The following BIN1 variants were observed in gnomAD, a reference collection of about 807,000 sequenced individuals.
BIN1 encodes myc box-dependent-interacting protein 1.
In BIN1, 53 loss-of-function variants were observed where a neutral mutation model predicts 82.0. The observed-to-expected ratio is 0.65, with a 90% confidence interval of 0.52 to 0.81. The LOEUF (loss-of-function observed/expected upper bound fraction) is 0.81, where lower values mean the gene tolerates loss of function less well. Ranked by LOEUF, BIN1 falls within the 40% of genes least tolerant of loss-of-function variation. The pLI, the probability that BIN1 is intolerant of heterozygous loss-of-function variation, is 0.00. For missense variants in BIN1, 642 were observed against 784.4 expected (o/e 0.82, Z 2.17); for synonymous variants, 302 against 328.0 (o/e 0.92, Z 0.86).
At chr2:127,058,370 C>T (rs571895907) in intron 11 of BIN1, among the ~76,000 whole-genome samples, 28 of 152,268 alleles carry the variant, frequency 1.8e-4, no homozygotes, top group Admixed American at 7.8e-4. Context: ...CAGAGCAGGG[C>T]GGCAGCAGAA....
chr2:127,105,792 C>T (rs1456678986), intron 1 of BIN1, among the ~76,000 whole-genome samples: 2 of 152,214 alleles, frequency 1.3e-5, no homozygotes, highest in African/African-American at 4.8e-5. Flanking sequence ...CGCCTCCACC[C>T]GGCGGCCGCG....
rs1351719948 is a variant in BIN1, at chr2:127,057,389, GAC to G, written c.1131+82_1131+83del. 7.0e-7 allele frequency: 1 copy of G among 1,432,038 alleles called. No individual in the cohort carries two copies. Among genetic ancestry groups the G allele is most frequent in the African/African-American group, 1.4e-5 (1 of 69,886 alleles). The allele number at this position is 1,432,038 out of a possible 1,614,324, so 88.7% of individuals were successfully genotyped here. A position where few individuals can be genotyped will look rare whatever the true frequency, so the allele number is the denominator to read the frequency against. ...CTCTGGCCAGATTCCTGGCTCTTGA[GAC>G]AGAAGCATAGAGGATGAAGGCCATG... is the stretch of plus-strand genomic sequence containing the variant. On this transcript the variant is annotated intron_variant, in intron 12 of 18. Coordinates refer to ENST00000316724, the MANE Select transcript of BIN1 (RefSeq NM_139343.3). The surrounding 1 kb of genome is among the most constrained non-coding windows in gnomAD (Gnocchi z 5.0).
At chr2:127,084,268 A>G (rs916112320) in intron 1 of BIN1, among the ~76,000 whole-genome samples, 14 of 152,100 alleles carry the variant, frequency 9.2e-5, no homozygotes, top group African/African-American at 3.1e-4. Context: ...CTGTTACCCA[A>G]TCTCCTCCAC....
intron 1 of BIN1, among the ~76,000 whole-genome samples, chr2:127,079,207 G>A (rs758585299): frequency 7.2e-5 from 11 of 152,210 alleles, no homozygotes; most frequent in African/African-American, 1.7e-4. Context: ...CCTTGAGAAC[G>A]AGACACCAGC....
At position 127,094,903 on chromosome 2, in the gene BIN1, T is replaced by C. The variant is rs140937441; in HGVS notation, c.84+11957A>G. The stretch of plus-strand genomic sequence containing the variant: ...TGCCCTCAGGAAAGGACCCCCTCAA[T>C]TGGGGAGGTTGACCCCCTCAACCAT... On this transcript the variant is annotated intron_variant, in intron 1 of 18. Transcript: ENST00000316724. 2.6e-3 allele frequency among the ~76,000 whole-genome samples: 402 copies of C among 152,110 alleles called. 3 individuals carry two copies. The highest frequency in any genetic ancestry group is 8.5e-3 in the African/African-American group (351 of 41,514).
intron 1 of BIN1, among the ~76,000 whole-genome samples, 196 bp downstream of exon 1, chr2:127,106,664 C>T (rs1681173885): frequency 6.6e-6 from 1 of 152,072 alleles, no homozygotes; most frequent in Non-Finnish European, 1.5e-5. Context: ...ACAGAGGACG[C>T]AAACCTAAGA....
Position 127,070,826 on chromosome 2 carries a change from G to A in BIN1, c.166-10C>T, listed in dbSNP as rs1484023624. On this transcript the variant is annotated splice_polypyrimidine_tract_variant and intron_variant, in intron 2 of 18. Coordinates refer to ENST00000316724, the MANE Select transcript of BIN1 (RefSeq NM_139343.3). The stretch of plus-strand genomic sequence containing the variant: ...GCCGGGTGCCCTCCGTCTGCAAAGA[G>A]AAGGACAAGGACCAGGTCAGGGACT... 2 of 1,610,878 alleles carry A rather than the reference G, an allele frequency of 1.2e-6. No homozygotes were observed. Among genetic ancestry groups the A allele is most frequent in the Admixed American group, 1.7e-5 (1 of 59,904 alleles).
intron 1 of BIN1, among the ~76,000 whole-genome samples, chr2:127,083,047 T>C (rs1171686920): frequency 6.6e-6 from 1 of 152,086 alleles, no homozygotes; most frequent in Non-Finnish European, 1.5e-5. Context: ...CAATCAACTG[T>C]TACCACTTGG....
In BIN1 at chr2:127,057,231, G is replaced by A. The variant is rs1326405622; in HGVS notation, c.1131+242C>T. Among the ~76,000 whole-genome samples the A allele has an allele frequency of 2.0e-5, 3 of 152,328 alleles. No homozygotes were observed. The highest frequency in any genetic ancestry group is 2.1e-4 in the South Asian group (1 of 4,824). The stretch of plus-strand genomic sequence containing the variant: ...AGGGCGCTGCTGATGTAACTGCTGC[G>A]CCGGGAGAGGCGGCACCTTCCCCTC... On this transcript the variant is annotated intron_variant, in intron 12 of 18. Coordinates refer to ENST00000316724, the MANE Select transcript of BIN1 (RefSeq NM_139343.3). This position sits in a 1 kb window ranked among gnomAD's most constrained non-coding sequence, Gnocchi z 5.0.
chr2:127,073,308 G>A (rs900664342), intron 2 of BIN1, among the ~76,000 whole-genome samples: 2 of 150,934 alleles, frequency 1.3e-5, no homozygotes, highest in African/African-American at 2.5e-5. Context: ...AGCAGTGTGT[G>A]TTTGCTTCCA....
chr2:127,078,197 A>T (rs59469917), intron 1 of BIN1, among the ~76,000 whole-genome samples: 1 of 151,958 alleles, frequency 6.6e-6, no homozygotes, highest in Admixed American at 6.5e-5. Context: ...CCCCCCAGCC[A>T]GGCCCAGAAG....
In BIN1 at chr2:127,048,531, G is replaced by C; in HGVS notation, c.1777C>G (p.Pro593Ala). 1 of 1,613,906 alleles carries C rather than the reference G, an allele frequency of 6.2e-7. No individual in the cohort carries two copies. Among genetic ancestry groups the C allele is most frequent in the South Asian group, 1.1e-5 (1 of 91,084 alleles). ...AGGCTGCCTGGGCCCCGCCGTCATG[G>C]GACCCTCTCAGTGAAGTTCTCGGGG... is the stretch of plus-strand genomic sequence containing the variant. Reference protein sequence around the residue: ...VFPENFTERVP With the variant: ...VFPENFTERVA The change falls in exon 19 of 19, where the codon CCA becomes GCA. Residue 593 changes from proline to alanine, a missense_variant. Physicochemically the swap from Pro to Ala is conservative, Grantham distance 27 (BLOSUM62 -1). Coordinates refer to ENST00000316724, the MANE Select transcript of BIN1 (RefSeq NM_139343.3).
At chr2:127,061,828 C>G (rs1178330592) in intron 10 of BIN1, among the ~76,000 whole-genome samples, 1 of 152,168 alleles carries the variant, frequency 6.6e-6, no homozygotes, top group Non-Finnish European at 1.5e-5. Context: ...CCCACCCCAA[C>G]CCTGGATGCT....
In BIN1 at chr2:127,052,283, C is replaced by T. The variant is rs1182207536; in HGVS notation, c.1343G>A (p.Ser448Asn). Reference protein sequence around the residue: ...AEGTFAVSWPSQTAEPGPAQP... With the variant: ...AEGTFAVSWPNQTAEPGPAQP... Reference sequence around the variant, plus strand: ...GGCAGGCCCCGGCTCGGCCGTCTGGCTGGGCCAGGACACAGCAAAGGTGCC... The same window carrying T: ...GGCAGGCCCCGGCTCGGCCGTCTGGTTGGGCCAGGACACAGCAAAGGTGCC... Residue 448 changes from serine to asparagine, a missense_variant, in exon 15 of 19, where the codon AGC (serine) becomes AAC (asparagine). Coordinates refer to ENST00000316724, the MANE Select transcript of BIN1 (RefSeq NM_139343.3). 3 of 1,580,182 alleles carry T rather than the reference C, an allele frequency of 1.9e-6. No homozygotes were observed. The highest frequency in any genetic ancestry group is 1.7e-4 in the Middle Eastern group (1 of 5,816).
At chr2:127,071,203 C>G (rs973194939) in intron 2 of BIN1, among the ~76,000 whole-genome samples, 1 of 152,154 alleles carries the variant, frequency 6.6e-6, no homozygotes, top group African/African-American at 2.4e-5. Context: ...GACAAGTGAC[C>G]AATGAGCACA....
In BIN1 at chr2:127,093,578, GT is replaced by G. The variant is rs1679212686; in HGVS notation, c.84+13281del. Among the ~76,000 whole-genome samples, 1 of 152,144 alleles carries G rather than the reference GT, an allele frequency of 6.6e-6. No homozygotes were observed. Among genetic ancestry groups the G allele is most frequent in the Admixed American group, 6.5e-5 (1 of 15,270 alleles). ...GGACTATCACCATTAGGTCACACCC[GT>G]TGTCCCATCATATGTCTACACGGCT... On this transcript the variant is annotated intron_variant, in intron 1 of 18. Transcript: ENST00000316724. This position sits in a 1 kb window ranked among gnomAD's most constrained non-coding sequence, Gnocchi z 5.7.
In BIN1 at chr2:127,106,875, G is replaced by T. The variant is rs1681233491; in HGVS notation, c.69C>A (p.Thr23=). The change falls in exon 1 of 19, where the codon ACC becomes ACA. Residue 23 remains threonine (T), a synonymous_variant. Coordinates refer to ENST00000316724, the MANE Select transcript of BIN1 (RefSeq NM_139343.3). ...GCTCGCTCACCTTCTCCTGCGCGCG[G>T]GTGAGCTTCTTCTGCACGTTGCTGG... ...KIASNVQKKL[T]RAQEKVLQKL... The T allele has an allele frequency of 1.9e-6, 3 of 1,611,034 alleles. No homozygotes were observed. The highest frequency in any genetic ancestry group is 4.5e-5 in the East Asian group (2 of 44,714).
At chr2:127,053,269 G>C (rs1462117845) in intron 14 of BIN1, 153 bp downstream of exon 14, 1 of 1,158,346 alleles carries the variant, frequency 8.6e-7, no homozygotes, top group East Asian at 2.6e-5. Flanking sequence ...GGCTTCACCA[G>C]CTCCCTGTGC....
chr2:127,052,673 G>A (rs1022114173), intron 14 of BIN1: 7 of 410,764 alleles, frequency 1.7e-5, no homozygotes, highest in South Asian at 1.1e-4. Context: ...TCCTGCGGTG[G>A]AGCCTCCAGA....
Sources: gnomAD v4.1 joint callset for allele counts (sites outside exome capture counted in the v4.1 genomes callset) on GRCh38, gnomAD v4.1.1 for gene constraint, Gnocchi (gnomAD v3.1) non-coding constraint, MANE v1.5 for transcripts, NCBI Gene and HGNC (gene_info 2026-07-23, HGNC 2026-07-21) for gene names.